CNOT6: variants seen among roughly 807,000 people sequenced by gnomAD.
CNOT6 encodes the protein carbon catabolite repression 4 protein.
A neutral mutation model predicts 61.2 loss-of-function variants in CNOT6; 12 were observed. The ratio of observed to expected loss-of-function variants is 0.20; its 90% confidence interval spans 0.13 to 0.32. CNOT6 has a LOEUF of 0.32. Ranked by LOEUF, CNOT6 falls within the 10% of genes least tolerant of loss-of-function variation. CNOT6 has a pLI of 1.00. For missense variants in CNOT6, 405 were observed against 663.9 expected, an observed-to-expected ratio of 0.61 and a Z score of 4.28; for synonymous variants, 225 against 240.6, an observed-to-expected ratio of 0.94 and a Z score of 0.60.
At chr5:180,524,451 T>G (rs1364719229) in intron 1 of CNOT6, among the ~76,000 whole-genome samples, 1 of 152,206 alleles carries the variant, frequency 6.6e-6, no homozygotes, top group Non-Finnish European at 1.5e-5. Flanking sequence ...TAGCCTTTTT[T>G]TTTTACTTCC....
At chr5:180,525,316 C>T (rs1341303518) in intron 1 of CNOT6, among the ~76,000 whole-genome samples, 1 of 152,052 alleles carries the variant, frequency 6.6e-6, no homozygotes, top group Non-Finnish European at 1.5e-5. Flanking sequence ...GCAGGTGGAT[C>T]GCATGAGCCC....
chr5:180,499,345 A>G (rs529349421), intron 1 of CNOT6, among the ~76,000 whole-genome samples: 4 of 152,364 alleles, frequency 2.6e-5, no homozygotes, highest in East Asian at 1.9e-4. Context: ...ATTCAACCCT[A>G]TGTCCACTTG....
At chr5:180,536,286 A>G (rs2127728432) in intron 2 of CNOT6, among the ~76,000 whole-genome samples, 1 of 152,078 alleles carries the variant, frequency 6.6e-6, no homozygotes, top group East Asian at 1.9e-4. Flanking sequence ...GGTGTGAGCC[A>G]CCGTGCCTGG....
chr5:180,552,943 T>C (rs970593943), intron 3 of CNOT6, among the ~76,000 whole-genome samples: 1 of 152,200 alleles, frequency 6.6e-6, no homozygotes, highest in African/African-American at 2.4e-5. Flanking sequence ...TAGTTCTCTT[T>C]TAAGAATTCA....
intron 1 of CNOT6, among the ~76,000 whole-genome samples, chr5:180,509,112 G>A (rs199968584): frequency 6.6e-6 from 1 of 151,672 alleles, no homozygotes; most frequent in Admixed American, 6.6e-5. Flanking sequence ...GAGCCACAGC[G>A]CCCGGCCTAT....
At chr5:180,526,776 A>C (rs1758119317) in intron 1 of CNOT6, among the ~76,000 whole-genome samples, 1 of 152,204 alleles carries the variant, frequency 6.6e-6, no homozygotes. Flanking sequence ...GACAAGAACA[A>C]GGGCTTTGAG....
chr5:180,530,510 A>C (rs1758300159), intron 2 of CNOT6, among the ~76,000 whole-genome samples: 1 of 151,682 alleles, frequency 6.6e-6, no homozygotes, highest in Non-Finnish European at 1.5e-5. Context: ...TTGCAGCCAT[A>C]GTAGAGGTCA....
chr5:180,571,137 A>G, intron 10 of CNOT6, 93 bp from the exon 11 acceptor site: 5 of 812,266 alleles, frequency 6.2e-6, no homozygotes, highest in South Asian at 1.8e-5. Flanking sequence ...GAACGTGGGA[A>G]TATGTATAGT....
Position 180,574,127 on chromosome 5 carries a change from T to G in CNOT6, c.1601T>G (p.Leu534Arg), listed in dbSNP as rs917692840. ...HPLIPSDHFS[L>R]FAQLELLLPF... ...CTCATCCCCTCTGACCACTTCTCAC[T>G]TTTTGCACAACTGGAGCTCTTACTG... The change falls in exon 12 of 12, where the codon CTT becomes CGT. Residue 534 changes from leucine to arginine, a missense_variant. Physicochemically the swap from Leu to Arg is moderately radical, Grantham distance 102. Transcript: ENST00000261951. The G allele has an allele frequency of 6.2e-7, 1 of 1,614,126 alleles. No homozygotes were observed. Among genetic ancestry groups the G allele is most frequent in the Non-Finnish European group, 8.5e-7 (1 of 1,180,008 alleles).
chr5:180,508,461 G>A (rs1757231789), intron 1 of CNOT6, among the ~76,000 whole-genome samples: 2 of 151,978 alleles, frequency 1.3e-5, no homozygotes, highest in Admixed American at 1.3e-4. Context: ...ACAGGCGCAC[G>A]CCACCATGCC....
chr5:180,514,036 A>G (rs186330675), intron 1 of CNOT6, among the ~76,000 whole-genome samples: 8 of 151,314 alleles, frequency 5.3e-5, no homozygotes, highest in Non-Finnish European at 5.9e-5. Flanking sequence ...GGGTTTCCCT[A>G]TGTTGCCCAG....
rs1163540445 is a variant in CNOT6 at position 180,538,686 on chromosome 5, G to GTATATATATGTA, written c.112+9307_112+9308insGTATATATATAT. On this transcript the variant is annotated intron_variant, in intron 2 of 11. Coordinates refer to ENST00000261951, the MANE Select transcript of CNOT6 (RefSeq NM_001370472.1). ...GAGCGAGACTCTGTCTGAGAAAAAG[G>GTATATATATGTA]TATATATATATATATATATATATAT... Among the ~76,000 whole-genome samples, 45 of 85,132 alleles carry GTATATATATGTA rather than the reference G, an allele frequency of 5.3e-4. 1 individual carries two copies. In the East Asian group the frequency reaches 6.4e-3, roughly 12 times the overall value. The allele number at this position is 85,132 out of a possible 152,430, so 55.8% of individuals were successfully genotyped here. A position where few individuals can be genotyped will look rare whatever the true frequency, so the allele number is the denominator to read the frequency against.
At chr5:180,551,721 G>A (rs1047826901) in intron 3 of CNOT6, among the ~76,000 whole-genome samples, 6 of 152,158 alleles carry the variant, frequency 3.9e-5, no homozygotes, top group African/African-American at 1.2e-4. Flanking sequence ...TAGCCATGTA[G>A]TAAAAAGGAA....
At position 180,503,601 on chromosome 5, in the gene CNOT6, C is replaced by CTTTTT. The variant is rs56187510; in HGVS notation, c.-3+8858_-3+8862dup. 3.8e-3 allele frequency among the ~76,000 whole-genome samples: 249 copies of CTTTTT among 66,132 alleles called. 4 individuals are homozygous for CTTTTT. Among genetic ancestry groups the CTTTTT allele is most frequent in the South Asian group, 4.7e-3 (8 of 1,694 alleles). The allele number at this position is 66,132 out of a possible 152,430, so 43.4% of individuals were successfully genotyped here. A position where few individuals can be genotyped will look rare whatever the true frequency, so the allele number is the denominator to read the frequency against. On this transcript the variant is annotated intron_variant, in intron 1 of 11. Coordinates refer to ENST00000261951, the MANE Select transcript of CNOT6 (RefSeq NM_001370472.1). ...TCTTACTGACACTGTGCCCTACTTC[C>CTTTTT]TTTTTTTTTTTTTTTTTTTTTTTTG...
intron 1 of CNOT6, among the ~76,000 whole-genome samples, chr5:180,495,192 C>T (rs1435654412): frequency 6.6e-6 from 1 of 152,218 alleles, no homozygotes; most frequent in Non-Finnish European, 1.5e-5. Flanking sequence ...GCCACAATTA[C>T]TGTCAAGCGG....
intron 3 of CNOT6, among the ~76,000 whole-genome samples, chr5:180,552,759 T>G (rs1215958445): frequency 6.6e-6 from 1 of 152,184 alleles, no homozygotes; most frequent in Non-Finnish European, 1.5e-5. Context: ...CCTTGAAGGT[T>G]CCTTTGATAT....
chr5:180,565,383 G>A (rs915135910), intron 6 of CNOT6, among the ~76,000 whole-genome samples: 3 of 152,184 alleles, frequency 2.0e-5, no homozygotes, highest in Admixed American at 6.5e-5. Flanking sequence ...AATTTGGTCT[G>A]TGATACCGTT....
intron 1 of CNOT6, among the ~76,000 whole-genome samples, chr5:180,504,751 CG>C (rs1411131683): frequency 1.3e-5 from 2 of 151,980 alleles, no homozygotes; most frequent in Non-Finnish European, 2.9e-5. Context: ...AAGAGATTTG[CG>C]GAACTGAGAC....
intron 4 of CNOT6, among the ~76,000 whole-genome samples, chr5:180,557,688 A>C (rs2127753238): frequency 6.6e-6 from 1 of 152,282 alleles, no homozygotes; most frequent in South Asian, 2.1e-4. Context: ...GCACAGCAAA[A>C]GTTTTTAATT....
Sources: gnomAD v4.1 joint callset for allele counts (sites outside exome capture counted in the v4.1 genomes callset) on GRCh38, gnomAD v4.1.1 for gene constraint, MANE v1.5 for transcripts, NCBI Gene and HGNC (gene_info 2026-07-23, HGNC 2026-07-21) for gene names.